The following TBC1D23 variants were observed in gnomAD, a reference collection of about 807,000 sequenced individuals.
TBC1D23 encodes the protein TBC1 domain family member 23.
In TBC1D23, 55 loss-of-function variants were observed where a neutral mutation model predicts 91.4. The observed-to-expected ratio is 0.60, with a 90% CI of 0.48 to 0.75. The LOEUF (loss-of-function observed/expected upper bound fraction) is 0.75, where lower values mean the gene tolerates loss of function less well. Among genes scored for constraint, TBC1D23 ranks in the 30% least tolerant of loss-of-function variants. The pLI is 0.00. For synonymous variants in TBC1D23, 289 were observed against 281.0 expected, an observed-to-expected ratio of 1.03 and a Z score of -0.28; for missense variants, 725 against 836.1, an observed-to-expected ratio of 0.87 and a Z score of 1.64.
intron 13 of TBC1D23, 125 bp downstream of exon 13, chr3:100,306,668 ATAT>A (rs1705523453): frequency 3.5e-6 from 2 of 568,944 alleles, no homozygotes; most frequent in African/African-American, 3.8e-5. Context: ...ATGAAGAGTC[ATAT>A]TATTGTGAGA....
chr3:100,296,166 T>C lies in TBC1D23; in HGVS notation c.773-6T>C, dbSNP rs1298599716. The C allele has an allele frequency of 3.3e-6, 5 of 1,493,830 alleles. No individual in the cohort carries two copies. Among genetic ancestry groups the C allele is most frequent in the Non-Finnish European group, 4.6e-6 (5 of 1,092,334 alleles). 92.5% of individuals were successfully genotyped at this position (1,493,830 alleles called of 1,614,324 possible). Reference sequence around the variant, plus strand: ...ACTACTAAATATTATGTCTATAATATTTCAGAGTTCTTGGAAAATACTCCA... The same window carrying C: ...ACTACTAAATATTATGTCTATAATACTTCAGAGTTCTTGGAAAATACTCCA... On this transcript the variant is annotated splice_polypyrimidine_tract_variant and splice_region_variant and intron_variant, in intron 7 of 18. Coordinates refer to ENST00000394144, the MANE Select transcript of TBC1D23 (RefSeq NM_001199198.3).
chr3:100,271,251 G>C (rs1253604300), intron 1 of TBC1D23, among the ~76,000 whole-genome samples: 3 of 152,112 alleles, frequency 2.0e-5, no homozygotes, highest in African/African-American at 7.2e-5. Flanking sequence ...ATAGATTTAA[G>C]ATGAGGGAAA....
intron 13 of TBC1D23, among the ~76,000 whole-genome samples, chr3:100,307,209 A>G (rs1295456704): frequency 6.6e-6 from 1 of 152,220 alleles, no homozygotes; most frequent in Non-Finnish European, 1.5e-5. Context: ...GTACTTCAAT[A>G]TTTCATGTCA....
intron 17 of TBC1D23, among the ~76,000 whole-genome samples, chr3:100,320,406 A>G (rs922908195): frequency 9.2e-5 from 14 of 152,270 alleles, no homozygotes; most frequent in African/African-American, 3.4e-4. Context: ...TAGATATAGG[A>G]TATGGTGCAT....
intron 4 of TBC1D23, among the ~76,000 whole-genome samples, chr3:100,287,457 C>A (rs916109388): frequency 4.6e-5 from 7 of 152,212 alleles, no homozygotes; most frequent in Non-Finnish European, 1.0e-4. Context: ...AGATGCCCCA[C>A]TTTTTTGGAA....
chr3:100,295,585 T>A (rs1002529165), intron 7 of TBC1D23, among the ~76,000 whole-genome samples: 2 of 152,164 alleles, frequency 1.3e-5, no homozygotes, highest in Non-Finnish European at 2.9e-5. Context: ...CATATACTAT[T>A]TCATTAGTTT....
chr3:100,323,302 A>G (rs1397366881), intron 18 of TBC1D23, among the ~76,000 whole-genome samples: 1 of 152,168 alleles, frequency 6.6e-6, no homozygotes, highest in African/African-American at 2.4e-5. Flanking sequence ...TGTTTTATCT[A>G]GCTATTACCT....
intron 1 of TBC1D23, among the ~76,000 whole-genome samples, chr3:100,278,420 C>T (rs1454707320): frequency 6.7e-6 from 1 of 148,280 alleles, no homozygotes; most frequent in Admixed American, 6.8e-5. Context: ...GAGTCTTGCT[C>T]TGTCACCCAG....
At chr3:100,313,337 G>A (rs947828545) in intron 15 of TBC1D23, among the ~76,000 whole-genome samples, 1 of 152,074 alleles carries the variant, frequency 6.6e-6, no homozygotes, top group Non-Finnish European at 1.5e-5. Context: ...AGAATCTAAT[G>A]AGAAGTTAGA....
intron 1 of TBC1D23, among the ~76,000 whole-genome samples, chr3:100,268,881 T>C (rs2067578509): frequency 6.6e-6 from 1 of 152,250 alleles, no homozygotes; most frequent in African/African-American, 2.4e-5. Context: ...AAATTTCCAA[T>C]TTTGTAGTCA....
At position 100,269,629 on chromosome 3, in the gene TBC1D23, G is replaced by C. The variant is rs1576157094; in HGVS notation, c.53+8558G>C. On this transcript the variant is annotated intron_variant, in intron 1 of 18. Transcript: ENST00000394144. ...AGCTCCATGCATATCTACTGTACAA[G>C]TGAATCTGTAGCAAAGTTTTCTCTT... Among the ~76,000 whole-genome samples the C allele has an allele frequency of 2.0e-5, 3 of 152,328 alleles. No individual in the cohort carries two copies. The South Asian group carries it at 6.2e-4, about 32-fold the overall frequency.
chr3:100,286,225 C>T (rs1183275452), intron 4 of TBC1D23, among the ~76,000 whole-genome samples: 2 of 152,204 alleles, frequency 1.3e-5, no homozygotes, highest in Non-Finnish European at 2.9e-5. Flanking sequence ...TATATTTTAG[C>T]ACTTCTCATG....
chr3:100,316,272 CT>C (rs1384404687), intron 16 of TBC1D23, 85 bp downstream of exon 16: 8 of 938,404 alleles, frequency 8.5e-6, no homozygotes, highest in Admixed American at 2.2e-5. Context: ...CAATCAACTG[CT>C]TTTTTAAAAA....
intron 17 of TBC1D23, 93 bp from the exon 18 acceptor site, chr3:100,320,684 C>A: frequency 1.4e-6 from 1 of 725,022 alleles, no homozygotes; most frequent in Non-Finnish European, 2.1e-6. Context: ...TAGAGTTGAA[C>A]ATTTCTAATA....
Position 100,299,335 on chromosome 3 carries a change from A to G in TBC1D23, c.1092+4A>G, listed in dbSNP as rs564153503. Reference sequence around the variant, plus strand: ...TTTCCACTTAGATTCAGACCTGGTTAGTATAAATGCTGATTAATTATTCTT... The same window carrying G: ...TTTCCACTTAGATTCAGACCTGGTTGGTATAAATGCTGATTAATTATTCTT... On this transcript the variant is annotated splice_donor_region_variant and intron_variant, in intron 10 of 18. Transcript: ENST00000394144. 1.3e-4 allele frequency: 207 copies of G among 1,563,594 alleles called. No individual in the cohort carries two copies. Among genetic ancestry groups the G allele is most frequent in the Non-Finnish European group, 1.8e-4 (201 of 1,135,900 alleles).
chr3:100,280,558 A>G (rs944687833), intron 2 of TBC1D23, among the ~76,000 whole-genome samples: 2 of 152,278 alleles, frequency 1.3e-5, no homozygotes, highest in African/African-American at 4.8e-5. Flanking sequence ...CCTACCACCT[A>G]TAGGTAAAAC....
chr3:100,316,140 G>C lies in TBC1D23; in HGVS notation c.1640G>C (p.Gly547Ala). ...SSDRVGKPYRGVKPVFSIGDE... is the reference protein window; with the variant it reads ...SSDRVGKPYRAVKPVFSIGDE... ...GACAGAGTGGGCAAGCCTTACCGTG[G>C]CGTAAAGCCTGTTTTCAGCATTGGG... Residue 547 changes from glycine (G) to alanine (A), a missense_variant, in exon 16 of 19, where the codon GGC (glycine) becomes GCC (alanine). Physicochemically the swap from Gly to Ala is moderately conservative, Grantham distance 60. Coordinates refer to ENST00000394144, the MANE Select transcript of TBC1D23 (RefSeq NM_001199198.3). 1 of 1,614,134 alleles carries C rather than the reference G, an allele frequency of 6.2e-7. No homozygotes were observed. Among genetic ancestry groups the C allele is most frequent in the Non-Finnish European group, 8.5e-7 (1 of 1,180,000 alleles).
rs765867530 is a variant in TBC1D23, at chr3:100,306,524, G to A, written c.1394G>A (p.Ser465Asn). 1.9e-6 allele frequency: 3 copies of A among 1,604,330 alleles called. No individual in the cohort carries two copies. Among genetic ancestry groups the A allele is most frequent in the Non-Finnish European group, 8.5e-7 (1 of 1,171,168 alleles). The change falls in exon 13 of 19, where the codon AGC becomes AAC. Residue 465 changes from serine (S) to asparagine (N), a missense_variant. Transcript: ENST00000394144. ...HWIASTSGSR[S>N]SINSVDGESP... Reference sequence around the variant, plus strand: ...ATTGCTAGTACCTCAGGCTCAAGGAGCAGTATCAATTCTGTTGATGTAAGT... The same window carrying A: ...ATTGCTAGTACCTCAGGCTCAAGGAACAGTATCAATTCTGTTGATGTAAGT...
intron 18 of TBC1D23, among the ~76,000 whole-genome samples, chr3:100,321,538 A>T (rs1017446748): frequency 7.2e-5 from 11 of 152,184 alleles, no homozygotes; most frequent in African/African-American, 2.7e-4. Flanking sequence ...CCTAACACTT[A>T]GTTTGTGACA....
Sources: allele counts gnomAD v4.1 joint callset (sites outside exome capture counted in the v4.1 genomes callset), GRCh38; gene constraint gnomAD v4.1.1; transcripts MANE v1.5; gene names NCBI Gene and HGNC (gene_info 2026-07-23, HGNC 2026-07-21).